Variants in ADK observed in about 807,000 individuals in gnomAD.
ADK encodes N6,N6-dimethyladenosine kinase.
ADK carries 24 observed loss-of-function variants against 44.7 expected under a neutral mutation model. That is an observed-to-expected ratio of 0.54 (90% confidence interval 0.39 to 0.76). ADK has a LOEUF of 0.76. Among genes scored for constraint, ADK ranks in the 30% least tolerant of loss-of-function variants. ADK has a pLI of 0.00. For missense variants in ADK, 321 were observed against 425.1 expected (o/e 0.76, Z 2.15); for synonymous variants, 128 against 142.6 (o/e 0.90, Z 0.73).
intron 6 of ADK, among the ~76,000 whole-genome samples, chr10:74,516,264 C>T (rs957894483): frequency 6.6e-6 from 1 of 152,236 alleles, no homozygotes; most frequent in Middle Eastern, 3.4e-3. Flanking sequence ...CCTCCCGTCT[C>T]CAGGCAGATC....
At chr10:74,263,410 T>C (rs781531909) in intron 3 of ADK, among the ~76,000 whole-genome samples, 11 of 152,182 alleles carry the variant, frequency 7.2e-5, no homozygotes, top group Non-Finnish European at 1.5e-4. Flanking sequence ...CTAGTGATGT[T>C]CTACAGTTTG....
intron 6 of ADK, among the ~76,000 whole-genome samples, chr10:74,522,340 A>T (rs1564771006): frequency 6.6e-6 from 1 of 151,666 alleles, no homozygotes; most frequent in Non-Finnish European, 1.5e-5. Context: ...ATAGGACAGG[A>T]CCCCTTTGGA....
chr10:74,271,533 G>GT (rs386371833), intron 3 of ADK, among the ~76,000 whole-genome samples: 2 of 6 alleles, frequency 0.33, 1 homozygote, highest in African/African-American at 1. Context: ...TTTAGCATTA[G>GT]TATATCTCCT....
intron 9 of ADK, among the ~76,000 whole-genome samples, chr10:74,652,569 T>G (rs1389645754): frequency 6.6e-6 from 1 of 150,902 alleles, no homozygotes; most frequent in Non-Finnish European, 1.5e-5. Flanking sequence ...AAGACCAGCC[T>G]GGCCAACATG....
At chr10:74,571,778 A>G (rs1366483504) in intron 7 of ADK, among the ~76,000 whole-genome samples, 1 of 151,508 alleles carries the variant, frequency 6.6e-6, no homozygotes, top group East Asian at 1.9e-4. Flanking sequence ...TTGTGTCTCT[A>G]TTTCCTTCAG....
intron 3 of ADK, among the ~76,000 whole-genome samples, chr10:74,284,181 A>G (rs908505426): frequency 7.1e-6 from 1 of 140,540 alleles, no homozygotes; most frequent in Non-Finnish European, 1.5e-5. Context: ...GCTGGTCTCG[A>G]ACTCCCGAAC....
intron 6 of ADK, among the ~76,000 whole-genome samples, chr10:74,438,343 G>A (rs1045461793): frequency 6.6e-6 from 1 of 150,976 alleles, no homozygotes; most frequent in Admixed American, 6.6e-5. Context: ...TCCTGCCTCA[G>A]CCTCCCAAGT....
chr10:74,538,955 G>A (rs966625787), intron 7 of ADK, among the ~76,000 whole-genome samples: 1 of 152,068 alleles, frequency 6.6e-6, no homozygotes, highest in South Asian at 2.1e-4. Context: ...GTGAATCTAT[G>A]TGTAATTATG....
At chr10:74,550,582 G>C (rs759140093) in intron 7 of ADK, among the ~76,000 whole-genome samples, 1 of 152,120 alleles carries the variant, frequency 6.6e-6, no homozygotes, top group African/African-American at 2.4e-5. Flanking sequence ...AAGCATGGTA[G>C]TATCACTGGA....
chr10:74,449,403 G>A (rs1427890359), intron 6 of ADK, among the ~76,000 whole-genome samples: 1 of 152,024 alleles, frequency 6.6e-6, no homozygotes, highest in Non-Finnish European at 1.5e-5. Context: ...ACCTAGATTG[G>A]AATTTGATTG....
intron 9 of ADK, among the ~76,000 whole-genome samples, chr10:74,664,097 G>A (rs983249653): frequency 3.3e-5 from 5 of 152,106 alleles, no homozygotes; most frequent in African/African-American, 4.8e-5. Flanking sequence ...GCTTTGTGAC[G>A]TTGTTTATGA....
intron 4 of ADK, among the ~76,000 whole-genome samples, chr10:74,350,940 T>G (rs1841942841): frequency 6.6e-6 from 1 of 152,162 alleles, no homozygotes; most frequent in Admixed American, 6.5e-5. Flanking sequence ...TAATTAATAG[T>G]CTACCAACCA....
chr10:74,452,474 T>C (rs772195072), intron 6 of ADK, among the ~76,000 whole-genome samples: 1 of 152,076 alleles, frequency 6.6e-6, no homozygotes, highest in African/African-American at 2.4e-5. Context: ...AGCCATGAAT[T>C]TGTAAATTGA....
chr10:74,595,713 G>A (rs1564810669), intron 8 of ADK, among the ~76,000 whole-genome samples: 2 of 322 alleles, frequency 6.2e-3, no homozygotes, highest in South Asian at 0.17. Context: ...TAGGCTATAT[G>A]GCCGGGTGTG....
chr10:74,235,495 G>A (rs1273292357), intron 3 of ADK, among the ~76,000 whole-genome samples: 1 of 152,034 alleles, frequency 6.6e-6, no homozygotes, highest in Non-Finnish European at 1.5e-5. Context: ...GTAGAGATGG[G>A]GTTTTGCCAT....
rs147163892 is a variant in ADK, at chr10:74,355,301, A to G, written c.274-38840A>G. Among the ~76,000 whole-genome samples, 182 of 152,288 alleles carry G rather than the reference A, an allele frequency of 1.2e-3. 1 individual carries two copies. The highest frequency in any genetic ancestry group is 4.1e-3 in the African/African-American group (172 of 41,554). On this transcript the variant is annotated intron_variant, in intron 4 of 10. Coordinates refer to ENST00000539909, the MANE Select transcript of ADK (RefSeq NM_006721.4). ...CAAGATTACTTGGAATTGTTAAGAG[A>G]GTATGTATGTATGTATAAGTTAACT... is the stretch of plus-strand genomic sequence containing the variant.
At chr10:74,267,790 G>GTGTGTGTCTGTC (rs35081179) in intron 3 of ADK, among the ~76,000 whole-genome samples, 3,611 of 145,554 alleles carry the variant, frequency 0.025, 173 homozygotes, top group African/African-American at 0.085. Flanking sequence ...GTGTGTGTGT[G>GTGTGTGTCTGTC]TGTCTGTCTG....
intron 4 of ADK, among the ~76,000 whole-genome samples, chr10:74,316,826 C>G (rs1840636660): frequency 6.6e-6 from 1 of 152,100 alleles, no homozygotes; most frequent in African/African-American, 2.4e-5. Flanking sequence ...TTAAGTTCTC[C>G]CTCAGCTTTC....
In ADK at chr10:74,517,002, G is replaced by A. The variant is rs147883691; in HGVS notation, c.556-8254G>A. 344 of 153,560 alleles carry A rather than the reference G, an allele frequency of 2.2e-3. 2 individuals carry two copies. Among genetic ancestry groups the A allele is most frequent in the African/African-American group, 7.5e-3 (311 of 41,518 alleles). The allele number at this position is 153,560 out of a possible 1,614,324, so 9.5% of individuals were successfully genotyped here. ...AAAAACAGAAACCCCTGAGAAAACC[G>A]TCAGATCTCGTGAGATTTATTCACT... On this transcript the variant is annotated intron_variant, in intron 6 of 10. Transcript: ENST00000539909.
Sources: allele counts gnomAD v4.1 joint callset (sites outside exome capture counted in the v4.1 genomes callset), GRCh38; gene constraint gnomAD v4.1.1; transcripts MANE v1.5; gene names NCBI Gene and HGNC (gene_info 2026-07-23, HGNC 2026-07-21).